Variants in NLRP13 observed in about 807,000 individuals in gnomAD.
NLRP13 encodes the protein NLR family pyrin domain containing 13, also known as NACHT, LRR and PYD domains-containing protein 13.
Under a neutral mutation model 94.4 loss-of-function variants are expected in NLRP13, and 82 were observed. That is an observed-to-expected ratio of 0.87 (90% confidence interval 0.73 to 1.04). The LOEUF (loss-of-function observed/expected upper bound fraction) is 1.04, where lower values mean the gene tolerates loss of function less well. NLRP13 is among the 50% of genes least tolerant of loss of function. The pLI, the probability that NLRP13 is intolerant of heterozygous loss-of-function variation, is 0.00. For missense variants in NLRP13, 1,426 were observed against 1,230.8 expected (o/e 1.16, Z -2.37); for synonymous variants, 553 against 464.7 (o/e 1.19, Z -2.45).
chr19:55,908,400 A>G (rs1423895021), intron 6 of NLRP13, among the ~76,000 whole-genome samples: 1 of 152,252 alleles, frequency 6.6e-6, no homozygotes, highest in Admixed American at 6.5e-5. Flanking sequence ...TAAAAAGAAG[A>G]CTGCCCAATC....
In NLRP13 at chr19:55,926,987, TAAG is replaced by T. The variant is rs201355625; in HGVS notation, c.320-1955_320-1953del. On this transcript the variant is annotated intron_variant, in intron 1 of 10. Coordinates refer to ENST00000342929, the MANE Select transcript of NLRP13 (RefSeq NM_176810.2). ...AATGGATATCTATAGGTGGAAAAAA[TAAG>T]AAGAAAAGGGGTAGCAACCTAAACT... 7.5e-3 allele frequency among the ~76,000 whole-genome samples: 1,099 copies of T among 145,666 alleles called. 17 individuals are homozygous for T. Among genetic ancestry groups the T allele is most frequent in the African/African-American group, 0.026 (1,030 of 39,276 alleles).
At chr19:55,928,064 C>T (rs1039551575) in intron 1 of NLRP13, among the ~76,000 whole-genome samples, 2 of 152,152 alleles carry the variant, frequency 1.3e-5, no homozygotes, top group Non-Finnish European at 2.9e-5. Flanking sequence ...AACTGCTGAG[C>T]TTTTATCGTC....
chr19:55,907,045 C>T (rs945728294), intron 7 of NLRP13, among the ~76,000 whole-genome samples: 6 of 152,162 alleles, frequency 3.9e-5, no homozygotes, highest in South Asian at 2.1e-4. Context: ...CTGCAACCTC[C>T]GCTCCCGGGT....
intron 4 of NLRP13, 27 bp downstream of exon 4, chr19:55,923,887 A>G (rs1340974260): frequency 6.4e-7 from 1 of 1,573,052 alleles, no homozygotes; most frequent in Non-Finnish European, 8.8e-7. Flanking sequence ...CAACCTGTCC[A>G]TTATCAACAT....
In NLRP13 at chr19:55,913,034, C is replaced by T. The variant is rs554497552; in HGVS notation, c.783G>A (p.Arg261=). The T allele has an allele frequency of 5.6e-6, 9 of 1,614,000 alleles. No homozygotes were observed. The African/African-American group carries it at 8.0e-5, about 14-fold the overall frequency. The change falls in exon 5 of 11, where the codon AGG becomes AGA. Residue 261 remains arginine (R), a synonymous_variant. Transcript: ENST00000342929. ...HWANGVLFQQ[R]FSYVFYLSCH... is the part of the protein sequence containing the mutation. ...AGCTGAGATAGAAAACATAGGAGAA[C>T]CTTTGCTGAAAGAGAACTCCATTTG... is the stretch of plus-strand genomic sequence containing the variant.
Position 55,925,002 on chromosome 19 carries a change from G to C in NLRP13, c.353C>G (p.Thr118Ser). 1 of 1,614,028 alleles carries C rather than the reference G, an allele frequency of 6.2e-7. No individual in the cohort carries two copies. Among genetic ancestry groups the C allele is most frequent in the South Asian group, 1.1e-5 (1 of 91,084 alleles). Reference protein sequence around the residue: ...NVQTQELQDPTQEDLEMLEAA... With the variant: ...NVQTQELQDPSQEDLEMLEAA... ...TTCTAGCATCTCTAGATCTTCCTGG[G>C]TTGGATCTTGCAGCTCTTGGGTCTG... Residue 118 changes from threonine to serine, a missense_variant, in exon 2 of 11, where the codon ACC (threonine) becomes AGC (serine). By Grantham distance (58) the Thr-to-Ser change is moderately conservative (BLOSUM62 1). Coordinates refer to ENST00000342929, the MANE Select transcript of NLRP13 (RefSeq NM_176810.2).
chr19:55,909,010 G>C (rs987384797), intron 6 of NLRP13, among the ~76,000 whole-genome samples: 5 of 152,198 alleles, frequency 3.3e-5, no homozygotes, highest in African/African-American at 9.6e-5. Flanking sequence ...GGAAAGTTAC[G>C]ATCAAACCTT....
chr19:55,921,056 T>G (rs1209706189), intron 4 of NLRP13, among the ~76,000 whole-genome samples: 1 of 152,154 alleles, frequency 6.6e-6, no homozygotes, highest in Non-Finnish European at 1.5e-5. Flanking sequence ...AAGTTGGAAC[T>G]AAATCATGTG....
intron 9 of NLRP13, among the ~76,000 whole-genome samples, chr19:55,900,558 T>C (rs1986137795): frequency 1.3e-5 from 2 of 151,228 alleles, no homozygotes; most frequent in South Asian, 2.1e-4. Flanking sequence ...GATCACGAGG[T>C]CAGGAGATTG....
Position 55,924,955 on chromosome 19 carries a change from T to C in NLRP13, c.388+12A>G. The C allele has an allele frequency of 1.2e-6, 2 of 1,611,474 alleles. No homozygotes were observed. Among genetic ancestry groups the C allele is most frequent in the Non-Finnish European group, 1.7e-6 (2 of 1,177,536 alleles). On this transcript the variant is annotated intron_variant, in intron 2 of 10. Coordinates refer to ENST00000342929, the MANE Select transcript of NLRP13 (RefSeq NM_176810.2). ...CAACCTGTCCATTATCAACTTAAAG[T>C]AGTGTACACACCTGCTGCTGCTTCT...
intron 9 of NLRP13, 23 bp from the exon 10 acceptor site, chr19:55,898,960 A>G: frequency 6.2e-7 from 1 of 1,602,642 alleles, no homozygotes; most frequent in African/African-American, 1.4e-5. Context: ...AACATACAAA[A>G]GGGGGGAAAG....
chr19:55,898,302 C>T (rs1348708584), intron 10 of NLRP13, among the ~76,000 whole-genome samples: 3 of 150,204 alleles, frequency 2.0e-5, no homozygotes, highest in East Asian at 2.0e-4. Context: ...CTCTACCTCC[C>T]GGGTTCAAGC....
intron 10 of NLRP13, among the ~76,000 whole-genome samples, chr19:55,897,904 C>G (rs1986057574): frequency 1.3e-5 from 2 of 152,158 alleles, no homozygotes; most frequent in African/African-American, 4.8e-5. Flanking sequence ...CTAATGGAAC[C>G]ATTCCCTACA....
In NLRP13 at chr19:55,904,924, G is replaced by C; in HGVS notation, c.2618+18C>G. On this transcript the variant is annotated intron_variant, in intron 8 of 10. Coordinates refer to ENST00000342929, the MANE Select transcript of NLRP13 (RefSeq NM_176810.2). The stretch of plus-strand genomic sequence containing the variant: ...GCCCATAGAGTCATATCTAGAAATG[G>C]AAGTAGGGAAAACTTACTCCAGTCT... 3.7e-6 allele frequency: 6 copies of C among 1,604,968 alleles called. No individual in the cohort carries two copies. The highest frequency in any genetic ancestry group is 4.3e-6 in the Non-Finnish European group (5 of 1,172,784).
chr19:55,902,568 T>C (rs930982685), intron 8 of NLRP13, among the ~76,000 whole-genome samples: 1 of 152,202 alleles, frequency 6.6e-6, no homozygotes, highest in East Asian at 1.9e-4. Flanking sequence ...CCCGCACTCC[T>C]TTCAGCCTTC....
chr19:55,919,619 TA>T (rs201945523), intron 4 of NLRP13, among the ~76,000 whole-genome samples: 8 of 150,078 alleles, frequency 5.3e-5, no homozygotes, highest in East Asian at 3.9e-4. Context: ...TACAATAGCT[TA>T]AAAAAAAACA....
rs768232898 is a variant in NLRP13, at chr19:55,917,094, AC to A, written c.524-3802del. On this transcript the variant is annotated intron_variant, in intron 4 of 10. Transcript: ENST00000342929. Reference sequence around the variant, plus strand: ...TTTTGTTTAAAGAAATAAACTGTTAACCCCAAGTTTTGTATCCTTCTACAAT... The same window carrying A: ...TTTTGTTTAAAGAAATAAACTGTTAACCCAAGTTTTGTATCCTTCTACAAT... 5.2e-4 allele frequency among the ~76,000 whole-genome samples: 79 copies of A among 152,270 alleles called. 1 individual carries two copies. The Middle Eastern group carries it at 0.01, about 20-fold the overall frequency.
At chr19:55,930,611 A>G (rs11670180) in intron 1 of NLRP13, among the ~76,000 whole-genome samples, 27,560 of 147,358 alleles carry the variant, frequency 0.19, 2,766 homozygotes, top group African/African-American at 0.26. Flanking sequence ...CCTTGAACCC[A>G]GGAGGCGGAG....
intron 7 of NLRP13, 147 bp downstream of exon 7, chr19:55,907,645 T>C: frequency 1.4e-6 from 1 of 738,266 alleles, no homozygotes; most frequent in Admixed American, 2.7e-5. Context: ...GAACCACGGC[T>C]CTACACATAG....
Sources: gnomAD v4.1 joint callset for allele counts (sites outside exome capture counted in the v4.1 genomes callset) on GRCh38, gnomAD v4.1.1 for gene constraint, MANE v1.5 for transcripts, NCBI Gene and HGNC (gene_info 2026-07-23, HGNC 2026-07-21) for gene names.